The following PEAK1 variants were observed in gnomAD, a reference collection of about 807,000 sequenced individuals.
PEAK1 encodes the protein pseudopodium enriched atypical kinase 1, also known as inactive tyrosine-protein kinase PEAK1.
A neutral mutation model predicts 124.7 loss-of-function variants in PEAK1; 54 were observed. That is an observed-to-expected ratio of 0.43 (90% confidence interval 0.35 to 0.54). The LOEUF (loss-of-function observed/expected upper bound fraction) is 0.54, where lower values mean the gene tolerates loss of function less well. Ranked by LOEUF, PEAK1 falls within the 20% of genes least tolerant of loss-of-function variation. PEAK1 has a pLI of 0.01. For synonymous variants in PEAK1, 719 were observed against 760.0 expected (o/e 0.95, Z 0.89); for missense variants, 2,046 against 2,134.5 (o/e 0.96, Z 0.82).
chr15:77,419,063 C>T, intron 1 of PEAK1: 1 of 985,368 alleles, frequency 1.0e-6, no homozygotes, highest in South Asian at 4.7e-5. Context: ...AAGATGAAAT[C>T]ATAGTTTTCC....
chr15:77,335,852 A>G, intron 2 of PEAK1: 1 of 985,392 alleles, frequency 1.0e-6, no homozygotes. Context: ...CATTTTACCA[A>G]TTCAAAGAGA....
At chr15:77,284,258 A>C (rs966786786) in intron 4 of PEAK1, among the ~76,000 whole-genome samples, 1 of 152,246 alleles carries the variant, frequency 6.6e-6, no homozygotes, top group Non-Finnish European at 1.5e-5. Context: ...CACCATCTTC[A>C]CATGGCAGGA....
chr15:77,321,330 T>C (rs2065201167), intron 2 of PEAK1, among the ~76,000 whole-genome samples: 1 of 152,216 alleles, frequency 6.6e-6, no homozygotes, highest in Non-Finnish European at 1.5e-5. Flanking sequence ...TGTTGTTTCC[T>C]GACTTTTTAA....
intron 6 of PEAK1, among the ~76,000 whole-genome samples, chr15:77,214,452 T>C (rs1378223120): frequency 1.4e-5 from 2 of 144,130 alleles, no homozygotes; most frequent in African/African-American, 5.2e-5. Context: ...TCGTCTCTAC[T>C]AAAAATACAA....
chr15:77,332,423 C>A (rs2065945123), intron 2 of PEAK1: 1 of 242,704 alleles, frequency 4.1e-6, no homozygotes, highest in Non-Finnish European at 6.6e-6. Flanking sequence ...CACGGTGAAA[C>A]CTCATCTGTA....
Position 77,218,369 on chromosome 15 carries a change from G to A in PEAK1, c.-115+33998C>T, listed in dbSNP as rs115057001. Among the ~76,000 whole-genome samples, 812 of 151,116 alleles carry A rather than the reference G, an allele frequency of 5.4e-3. 11 individuals carry two copies. The highest frequency in any genetic ancestry group is 0.017 in the African/African-American group (694 of 41,200). ...ATTTGACTTTGTCAAATGTTTTCTC[G>A]CATTTATTGAAATAATCATGTTTTT... On this transcript the variant is annotated intron_variant, in intron 6 of 9. Transcript: ENST00000682557.
At chr15:77,256,580 T>C (rs1428362386) in intron 5 of PEAK1, among the ~76,000 whole-genome samples, 1 of 152,088 alleles carries the variant, frequency 6.6e-6, no homozygotes, top group Non-Finnish European at 1.5e-5. Flanking sequence ...AGTTTTTACA[T>C]TTTTAAAGAG....
intron 5 of PEAK1, among the ~76,000 whole-genome samples, chr15:77,280,104 G>A (rs576847995): frequency 6.6e-6 from 1 of 152,300 alleles, no homozygotes; most frequent in South Asian, 2.1e-4. Flanking sequence ...ACTTTGGGAG[G>A]CTGAGGTGGG....
chr15:77,158,833 G>A lies in PEAK1; in HGVS notation c.3138-137C>T, dbSNP rs552058890. Reference sequence around the variant, plus strand: ...AATACACTTGTCTGAACACAAGGCAGTACTTCATTTAGGCAGATACTTCTA... The same window carrying A: ...AATACACTTGTCTGAACACAAGGCAATACTTCATTTAGGCAGATACTTCTA... On this transcript the variant is annotated intron_variant, in intron 7 of 9. Coordinates refer to ENST00000682557, the MANE Select transcript of PEAK1 (RefSeq NM_001385026.1). 13 of 782,832 alleles carry A rather than the reference G, an allele frequency of 1.7e-5. No individual in the cohort carries two copies. The East Asian group carries it at 3.0e-4, about 18-fold the overall frequency. The allele number at this position is 782,832 out of a possible 1,614,324, so 48.5% of individuals were successfully genotyped here. A position where few individuals can be genotyped will look rare whatever the true frequency, so the allele number is the denominator to read the frequency against.
At chr15:77,403,877 T>C in intron 1 of PEAK1, 5 of 984,868 alleles carry the variant, frequency 5.1e-6, no homozygotes, top group Non-Finnish European at 6.0e-6. Context: ...TGCCACAAAT[T>C]CATTTTAGAA....
At chr15:77,382,082 CTT>C (rs1035645863) in intron 1 of PEAK1, among the ~76,000 whole-genome samples, 2 of 152,196 alleles carry the variant, frequency 1.3e-5, no homozygotes, top group African/African-American at 2.4e-5. Flanking sequence ...ATGTCTCTCT[CTT>C]TCTCTCTCAC....
At chr15:77,376,902 T>C (rs1190321279) in intron 1 of PEAK1, among the ~76,000 whole-genome samples, 2 of 152,218 alleles carry the variant, frequency 1.3e-5, no homozygotes, top group African/African-American at 4.8e-5. Context: ...CAGGGATACA[T>C]TCTGAGAAAT....
downstream of PEAK1, chr15:77,104,836 C>T (rs2050730672): frequency 6.6e-6 from 1 of 152,188 alleles, no homozygotes; most frequent in South Asian, 2.1e-4. Context: ...GGGGATAATT[C>T]TAGAAACCAC....
At chr15:77,278,889 A>G (rs2062496293) in intron 5 of PEAK1, 2 of 280,974 alleles carry the variant, frequency 7.1e-6, no homozygotes, top group African/African-American at 2.5e-5. Context: ...CTGGAGTGCA[A>G]TGGCATCATC....
chr15:77,346,498 G>A, intron 2 of PEAK1: 2 of 985,340 alleles, frequency 2.0e-6, no homozygotes, highest in South Asian at 4.7e-5. Context: ...TTTCCTACCT[G>A]CTAATTGCTT....
chr15:77,233,746 A>G (rs1173949788), intron 6 of PEAK1, among the ~76,000 whole-genome samples: 1 of 152,194 alleles, frequency 6.6e-6, no homozygotes, highest in Non-Finnish European at 1.5e-5. Flanking sequence ...ACACTTAACA[A>G]CAGTTCCTTC....
intron 1 of PEAK1, among the ~76,000 whole-genome samples, chr15:77,374,441 G>A (rs1226426506): frequency 6.6e-6 from 1 of 152,034 alleles, no homozygotes; most frequent in East Asian, 1.9e-4. Context: ...TATTTTGAAA[G>A]TCATCAATAA....
At chr15:77,289,754 T>C (rs1324114322) in intron 2 of PEAK1, among the ~76,000 whole-genome samples, 1 of 152,058 alleles carries the variant, frequency 6.6e-6, no homozygotes, top group East Asian at 1.9e-4. Context: ...AGAGAATTGC[T>C]TGAACCCGGG....
chr15:77,402,981 T>C lies in PEAK1; in HGVS notation c.-666+17025A>G, dbSNP rs557749829. On this transcript the variant is annotated intron_variant, in intron 1 of 9. Transcript: ENST00000682557. ...TTGAAATGCAGTTCTGGGTAGACAT[T>C]ATTTGCTCTTGCATTATGATTTTGT... 19 of 985,424 alleles carry C rather than the reference T, an allele frequency of 1.9e-5. No homozygotes were observed. In the East Asian group the frequency reaches 1.5e-3, roughly 76 times the overall value. The allele number at this position is 985,424 out of a possible 1,614,324, so 61.0% of individuals were successfully genotyped here.
Sources: gnomAD v4.1 joint callset for allele counts (sites outside exome capture counted in the v4.1 genomes callset) on GRCh38, gnomAD v4.1.1 for gene constraint, MANE v1.5 for transcripts, NCBI Gene and HGNC (gene_info 2026-07-23, HGNC 2026-07-21) for gene names.